The following SGMS2 variants were observed in gnomAD, a reference collection of about 807,000 sequenced individuals.
The protein encoded by SGMS2 is phosphatidylcholine:ceramide cholinephosphotransferase 2.
Under a neutral mutation model 43.8 loss-of-function variants are expected in SGMS2, and 21 were observed. That is an observed-to-expected ratio of 0.48 (90% CI 0.34 to 0.69). SGMS2 has a LOEUF of 0.69. SGMS2 is among the 30% of genes least tolerant of loss of function. The pLI is 0.01. For missense variants in SGMS2, 384 were observed against 443.2 expected, an observed-to-expected ratio of 0.87 and a Z score of 1.20; for synonymous variants, 167 against 160.6, an observed-to-expected ratio of 1.04 and a Z score of -0.30.
chr4:107,857,144 C>T (rs1014934015), intron 1 of SGMS2, among the ~76,000 whole-genome samples: 1 of 152,176 alleles, frequency 6.6e-6, no homozygotes, highest in Non-Finnish European at 1.5e-5. Context: ...TGGCTTCTTT[C>T]ACTTAGAATA....
At chr4:107,852,140 C>T (rs990393993) in intron 1 of SGMS2, among the ~76,000 whole-genome samples, 23 of 151,534 alleles carry the variant, frequency 1.5e-4, no homozygotes, top group African/African-American at 5.3e-4. Context: ...GCGATCTCGG[C>T]TCGCTGCAAG....
chr4:107,895,754 A>G lies in SGMS2; in HGVS notation c.201A>G (p.Glu67=), dbSNP rs759747549. Residue 67 remains glutamate (E), a synonymous_variant, in exon 3 of 7, where the codon GAA becomes GAG. Coordinates refer to ENST00000690982, the MANE Select transcript of SGMS2 (RefSeq NM_001375905.1). ...ATATCCAAATTGCTATGCCCACTGA[A>G]TCAAGGAACAAATTTCCACTAGAGT... ...PDYIQIAMPT[E]SRNKFPLEWW... The G allele has an allele frequency of 6.2e-7, 1 of 1,613,970 alleles. No individual in the cohort carries two copies. Among genetic ancestry groups the G allele is most frequent in the Non-Finnish European group, 8.5e-7 (1 of 1,179,950 alleles).
chr4:107,906,495 T>C (rs892977979), intron 5 of SGMS2, among the ~76,000 whole-genome samples: 2 of 152,220 alleles, frequency 1.3e-5, no homozygotes, highest in South Asian at 4.1e-4. Flanking sequence ...GTCTCTATTA[T>C]TTAATGAGCC....
rs891504575 is a variant in SGMS2 at position 107,858,519 on chromosome 4, A to G, written c.-279A>G. 1 of 152,370 alleles carries G rather than the reference A, an allele frequency of 6.6e-6. No homozygotes were observed. The highest frequency in any genetic ancestry group is 6.5e-5 in the Admixed American group (1 of 15,294). 9.4% of individuals were successfully genotyped at this position (152,370 alleles called of 1,614,324 possible). A position where few individuals can be genotyped will look rare whatever the true frequency, so the allele number is the denominator to read the frequency against. ...ACACTCTTCTCCAAAAGGACCTGCC[A>G]GAGACTGGGAGTGTTGACTGCTGCA... is the stretch of plus-strand genomic sequence containing the variant. On this transcript the variant is annotated 5_prime_UTR_variant, in exon 2 of 7. Transcript: ENST00000690982.
intron 1 of SGMS2, among the ~76,000 whole-genome samples, chr4:107,837,382 C>A (rs1044516482): frequency 6.6e-6 from 1 of 152,096 alleles, no homozygotes; most frequent in African/African-American, 2.4e-5. Context: ...CAGATTTACA[C>A]TGAGTTGTAA....
At chr4:107,894,469 G>A (rs956744311) in intron 2 of SGMS2, 1 of 152,234 alleles carries the variant, frequency 6.6e-6, no homozygotes, top group Non-Finnish European at 1.5e-5. Context: ...CCTCATCAGT[G>A]TCGTGGTGGG....
rs969497127 is a variant in SGMS2, at chr4:107,912,666, G to C, written c.*2113G>C. 1 of 151,898 alleles carries C rather than the reference G, an allele frequency of 6.6e-6. No homozygotes were observed. Among genetic ancestry groups the C allele is most frequent in the Non-Finnish European group, 1.5e-5 (1 of 68,002 alleles). 9.4% of individuals were successfully genotyped at this position (151,898 alleles called of 1,614,324 possible). On this transcript the variant is annotated 3_prime_UTR_variant, in exon 7 of 7. Transcript: ENST00000690982. ...CTGGATAACTCACTTTTCATCTATT[G>C]AATAAGAAAAAGTGTTTAAACTTAA... is the stretch of plus-strand genomic sequence containing the variant.
At chr4:107,850,682 C>T (rs1289119338) in intron 1 of SGMS2, among the ~76,000 whole-genome samples, 1 of 152,194 alleles carries the variant, frequency 6.6e-6, no homozygotes, top group Non-Finnish European at 1.5e-5. Context: ...TCTGACCTTG[C>T]ATGACTTAGA....
In SGMS2 at chr4:107,895,428, A is replaced by G. The variant is rs1041013030; in HGVS notation, c.-126A>G. On this transcript the variant is annotated 5_prime_UTR_variant, in exon 3 of 7. Transcript: ENST00000690982. ...CGGATGGCTACCTTCTACATTTTGTATTAGGAAACAAAGTCCATTGTAAGA... is the reference window on the plus strand; with the variant it reads ...CGGATGGCTACCTTCTACATTTTGTGTTAGGAAACAAAGTCCATTGTAAGA... The G allele has an allele frequency of 1.1e-5, 11 of 968,582 alleles. No individual in the cohort carries two copies. Among genetic ancestry groups the G allele is most frequent in the African/African-American group, 3.3e-5 (2 of 60,926 alleles). 60.0% of individuals were successfully genotyped at this position (968,582 alleles called of 1,614,324 possible). A position where few individuals can be genotyped will look rare whatever the true frequency, so the allele number is the denominator to read the frequency against.
At chr4:107,839,022 C>A (rs1726351645) in intron 1 of SGMS2, among the ~76,000 whole-genome samples, 1 of 152,178 alleles carries the variant, frequency 6.6e-6, no homozygotes, top group African/African-American at 2.4e-5. Context: ...ATTCTGAAGG[C>A]TTGCTTAGCT....
intron 3 of SGMS2, among the ~76,000 whole-genome samples, chr4:107,898,749 G>A (rs1301434066): frequency 2.0e-5 from 3 of 152,168 alleles, no homozygotes; most frequent in Admixed American, 6.5e-5. Context: ...TTTGAAGACA[G>A]GATCCTCCGT....
At chr4:107,889,768 G>A (rs949617130) in intron 2 of SGMS2, among the ~76,000 whole-genome samples, 1 of 152,162 alleles carries the variant, frequency 6.6e-6, no homozygotes, top group African/African-American at 2.4e-5. Flanking sequence ...AACAACTCAG[G>A]TGAAAATCAA....
intron 1 of SGMS2, among the ~76,000 whole-genome samples, chr4:107,842,504 G>T (rs901145994): frequency 3.9e-5 from 6 of 152,082 alleles, no homozygotes; most frequent in African/African-American, 1.4e-4. Context: ...CCAACACTGG[G>T]GATTACATTT....
chr4:107,902,559 G>A (rs1384080507), intron 4 of SGMS2, among the ~76,000 whole-genome samples: 1 of 152,104 alleles, frequency 6.6e-6, no homozygotes, highest in African/African-American at 2.4e-5. Flanking sequence ...TCATCACAGT[G>A]GCTTTGCAGG....
intron 2 of SGMS2, among the ~76,000 whole-genome samples, chr4:107,886,317 A>G (rs1304742187): frequency 6.7e-6 from 1 of 149,114 alleles, no homozygotes; most frequent in East Asian, 2.0e-4. Context: ...CTCTAACCTT[A>G]GCCTCCCAAG....
At chr4:107,880,209 T>C (rs1729235484) in intron 2 of SGMS2, among the ~76,000 whole-genome samples, 1 of 152,166 alleles carries the variant, frequency 6.6e-6, no homozygotes, top group African/African-American at 2.4e-5. Context: ...GAAGAAAGTG[T>C]CATCAAGATA....
rs200520406 is a variant in SGMS2, at chr4:107,852,071, AT to A, written c.-326-6386del. On this transcript the variant is annotated intron_variant, in intron 1 of 6. Coordinates refer to ENST00000690982, the MANE Select transcript of SGMS2 (RefSeq NM_001375905.1). The stretch of plus-strand genomic sequence containing the variant: ...ATGAAACAATGTGCTTGTCATAATA[AT>A]TTTTTTTTTTTTTTGAGACAGAGTC... Among the ~76,000 whole-genome samples the A allele has an allele frequency of 7.0e-3, 1,003 of 143,560 alleles. 7 individuals carry two copies. Among genetic ancestry groups the A allele is most frequent in the African/African-American group, 0.015 (593 of 39,248 alleles). 94.2% of individuals were successfully genotyped at this position (143,560 alleles called of 152,430 possible).
At chr4:107,848,294 C>T (rs763604786) in intron 1 of SGMS2, among the ~76,000 whole-genome samples, 6 of 152,028 alleles carry the variant, frequency 3.9e-5, no homozygotes, top group Non-Finnish European at 7.4e-5. Context: ...ATGTGATGTA[C>T]CGTAGTTTGT....
intron 2 of SGMS2, among the ~76,000 whole-genome samples, chr4:107,882,740 A>G (rs1425865685): frequency 6.6e-6 from 1 of 152,140 alleles, no homozygotes; most frequent in Admixed American, 6.6e-5. Context: ...CTTTATAGTG[A>G]CAACAGTTTT....
Sources: gnomAD v4.1 joint callset for allele counts (sites outside exome capture counted in the v4.1 genomes callset) on GRCh38, gnomAD v4.1.1 for gene constraint, MANE v1.5 for transcripts, NCBI Gene and HGNC (gene_info 2026-07-23, HGNC 2026-07-21) for gene names.